Variants in NPHP4 observed in about 807,000 individuals in gnomAD.
NPHP4 encodes nephrocystin 4.
A neutral mutation model predicts 155.8 loss-of-function variants in NPHP4; 151 were observed. The observed-to-expected ratio is 0.97, with a 90% confidence interval of 0.85 to 1.11. The LOEUF is 1.11. Among genes scored for constraint, NPHP4 ranks in the 50% least tolerant of loss-of-function variants. The probability of loss-of-function intolerance (pLI) is 0.00; values close to 1 mark genes in which losing one functional copy is unlikely to be tolerated. For missense variants in NPHP4, 1,956 were observed against 1,925.7 expected, an observed-to-expected ratio of 1.02 and a Z score of -0.29; for synonymous variants, 845 against 816.8, an observed-to-expected ratio of 1.03 and a Z score of -0.59.
rs970641227 is a variant in NPHP4 at position 5,882,061 on chromosome 1, A to C, written c.2486-1822T>G. 1 of 152,300 alleles carries C rather than the reference A, an allele frequency of 6.6e-6. No individual in the cohort carries two copies. Among genetic ancestry groups the C allele is most frequent in the Non-Finnish European group, 1.5e-5 (1 of 68,088 alleles). 9.4% of individuals were successfully genotyped at this position (152,300 alleles called of 1,614,324 possible). A position where few individuals can be genotyped will look rare whatever the true frequency, so the allele number is the denominator to read the frequency against. Reference sequence around the variant, plus strand: ...CACCTGTGCTGAGAATTCGGCCCTCAAGGCCAGGTTCTGACGGCCACGCTC... The same window carrying C: ...CACCTGTGCTGAGAATTCGGCCCTCCAGGCCAGGTTCTGACGGCCACGCTC... On this transcript the variant is annotated intron_variant, in intron 18 of 29. Transcript: ENST00000378156. The surrounding 1 kb of genome is among the most constrained non-coding windows in gnomAD (Gnocchi z 5.1).
At chr1:5,928,773 C>T (rs1048375468) in intron 10 of NPHP4, among the ~76,000 whole-genome samples, 2 of 152,134 alleles carry the variant, frequency 1.3e-5, no homozygotes, top group Admixed American at 1.3e-4. Context: ...CTTTAGCTTT[C>T]CATATAAATT....
At chr1:5,913,221 C>T (rs515628) in intron 11 of NPHP4, among the ~76,000 whole-genome samples, 1,534 of 151,440 alleles carry the variant, frequency 0.01, 12 homozygotes, top group Middle Eastern at 0.028. Flanking sequence ...TCGTGGCCAG[C>T]GGGGCCCTGA....
chr1:5,972,333 C>G lies in NPHP4; in HGVS notation c.280-3074G>C, dbSNP rs1652720210. 2.1e-5 allele frequency among the ~76,000 whole-genome samples: 3 copies of G among 142,002 alleles called. No homozygotes were observed. In the South Asian group the frequency reaches 7.2e-4, roughly 34 times the overall value. 93.2% of individuals were successfully genotyped at this position (142,002 alleles called of 152,430 possible). A position where few individuals can be genotyped will look rare whatever the true frequency, so the allele number is the denominator to read the frequency against. ...TCGGAGGGCTTCCCAGACACTACCC[C>G]TCAAAGACAGCAGGGATCGGGGGAG... On this transcript the variant is annotated intron_variant, in intron 3 of 29. Coordinates refer to ENST00000378156, the MANE Select transcript of NPHP4 (RefSeq NM_015102.5).
At position 5,863,911 on chromosome 1, in the gene NPHP4, C is replaced by G; in HGVS notation, c.4119G>C (p.Arg1373=). The change falls in exon 29 of 30, where the codon CGG becomes CGC. Residue 1373 remains arginine (R), a synonymous_variant. Transcript: ENST00000378156. ...HLHSDHPELL[R]FREDSFQVGG... is the part of the protein sequence containing the mutation. ...ACACCTGGAAGGAGTCCTCTCTGAA[C>G]CGCAGCAGCTCCGGGTGGTCGCTGT... is the stretch of plus-strand genomic sequence containing the variant. The G allele has an allele frequency of 1.2e-6, 2 of 1,613,952 alleles. No homozygotes were observed. Among genetic ancestry groups the G allele is most frequent in the Non-Finnish European group, 1.7e-6 (2 of 1,179,878 alleles).
intron 16 of NPHP4, among the ~76,000 whole-genome samples, chr1:5,894,725 C>A (rs1462800347): frequency 6.6e-6 from 1 of 151,550 alleles, no homozygotes; most frequent in African/African-American, 2.4e-5. Context: ...TACCAAAAAT[C>A]AAGGAGAAAT....
rs1429633043 is a variant in NPHP4 at position 5,867,198 on chromosome 1, G to A, written c.3473-83C>T. Reference sequence around the variant, plus strand: ...AGGCCCCACACATTACACACTATAGGACAGGACAGGCTCGTCACAGGTGCT... The same window carrying A: ...AGGCCCCACACATTACACACTATAGAACAGGACAGGCTCGTCACAGGTGCT... On this transcript the variant is annotated intron_variant, in intron 24 of 29. Coordinates refer to ENST00000378156, the MANE Select transcript of NPHP4 (RefSeq NM_015102.5). This position sits in a 1 kb window ranked among gnomAD's most constrained non-coding sequence, Gnocchi z 4.1. 2.8e-6 allele frequency: 3 copies of A among 1,052,972 alleles called. No individual in the cohort carries two copies. Among genetic ancestry groups the A allele is most frequent in the South Asian group, 2.8e-5 (2 of 70,974 alleles). The allele number at this position is 1,052,972 out of a possible 1,614,324, so 65.2% of individuals were successfully genotyped here.
chr1:5,876,277 G>A (rs549589005), intron 20 of NPHP4: 3 of 152,296 alleles, frequency 2.0e-5, no homozygotes, highest in East Asian at 3.9e-4. Context: ...TGAGGCCTGG[G>A]AGGAGGCCCC....
chr1:5,956,041 C>T (rs1235051056), intron 6 of NPHP4, among the ~76,000 whole-genome samples: 1 of 116,474 alleles, frequency 8.6e-6, no homozygotes, highest in Non-Finnish European at 1.7e-5. Flanking sequence ...AACATTTTAA[C>T]AGAATGTTTC....
intron 7 of NPHP4, among the ~76,000 whole-genome samples, chr1:5,951,760 C>T (rs762872658): frequency 2.0e-5 from 3 of 152,234 alleles, no homozygotes; most frequent in Admixed American, 6.5e-5. Flanking sequence ...AAGGCTTTTC[C>T]AAGTCTTGTC....
intron 9 of NPHP4, among the ~76,000 whole-genome samples, chr1:5,941,833 A>G (rs560538530): frequency 6.6e-6 from 1 of 152,192 alleles, no homozygotes; most frequent in Non-Finnish European, 1.5e-5. Flanking sequence ...CAAGTCAACC[A>G]TCTACCCACC....
chr1:5,959,831 G>C (rs1649973233), intron 6 of NPHP4, among the ~76,000 whole-genome samples: 1 of 152,162 alleles, frequency 6.6e-6, no homozygotes, highest in Admixed American at 6.5e-5. Flanking sequence ...CTCACAGCTA[G>C]TCCCAAGATT....
chr1:5,973,098 T>C (rs930540891), intron 3 of NPHP4, among the ~76,000 whole-genome samples: 9 of 152,240 alleles, frequency 5.9e-5, no homozygotes, highest in Admixed American at 1.3e-4. Context: ...TTGGCCAGGC[T>C]GGTCTCAAAT....
In NPHP4 at chr1:5,874,538, G is replaced by A. The variant is rs1398568182; in HGVS notation, c.3164C>T (p.Pro1055Leu). The change falls in exon 22 of 30, where the codon CCC (proline) becomes CTC (leucine). Residue 1055 changes from proline to leucine, a missense_variant. Pro to Leu is a moderately conservative substitution (Grantham distance 98). Transcript: ENST00000378156. ...GSLAPQLYLR[P>L]HETAHVPFKF... The stretch of plus-strand genomic sequence containing the variant: ...GAAGGGGACGTGGGCGGTCTCGTGG[G>A]GGCGCAGGTAGAGCTGGGGGGCCAG... 24 of 1,598,354 alleles carry A rather than the reference G, an allele frequency of 1.5e-5. 1 individual carries two copies. Among genetic ancestry groups the A allele is most frequent in the Non-Finnish European group, 1.8e-5 (21 of 1,172,950 alleles).
At chr1:5,982,087 A>G (rs1654797639) in intron 2 of NPHP4, among the ~76,000 whole-genome samples, 1 of 151,250 alleles carries the variant, frequency 6.6e-6, no homozygotes, top group Non-Finnish European at 1.5e-5. Context: ...TTTCATTTTA[A>G]TACTGGTAGT....
intron 17 of NPHP4, chr1:5,888,732 T>G: frequency 1.5e-6 from 1 of 647,488 alleles, no homozygotes; most frequent in Non-Finnish European, 2.4e-6. Flanking sequence ...CACTGGCGAC[T>G]GGTTTAAAGG....
At chr1:5,928,926 C>A (rs561540469) in intron 10 of NPHP4, among the ~76,000 whole-genome samples, 1 of 152,260 alleles carries the variant, frequency 6.6e-6, no homozygotes, top group Admixed American at 6.5e-5. Context: ...TACGTCTCTC[C>A]AATTATTTAG....
rs544719727 is a variant in NPHP4, at chr1:5,951,061, A to G, written c.810+1639T>C. On this transcript the variant is annotated intron_variant, in intron 7 of 29. Coordinates refer to ENST00000378156, the MANE Select transcript of NPHP4 (RefSeq NM_015102.5). ...TTTAAAGATAGGTCAAAAGCAGGCA[A>G]GCCTATACTGTTTAGAGATGCATCG... is the stretch of plus-strand genomic sequence containing the variant. Among the ~76,000 whole-genome samples, 92 of 152,368 alleles carry G rather than the reference A, an allele frequency of 6.0e-4. No homozygotes were observed. The South Asian group carries it at 0.013, about 21-fold the overall frequency.
At chr1:5,885,716 G>C (rs1442701034) in intron 18 of NPHP4, among the ~76,000 whole-genome samples, 2 of 152,226 alleles carry the variant, frequency 1.3e-5, no homozygotes, top group Non-Finnish European at 2.9e-5. Flanking sequence ...TCTGTCCCGT[G>C]CGGTAACCCT....
chr1:5,928,033 T>C (rs1413685437), intron 10 of NPHP4, among the ~76,000 whole-genome samples: 1 of 152,122 alleles, frequency 6.6e-6, no homozygotes, highest in Non-Finnish European at 1.5e-5. Flanking sequence ...TCGCAATCTC[T>C]CTCGAGTTGT....
Sources: gnomAD v4.1 joint callset for allele counts (sites outside exome capture counted in the v4.1 genomes callset) on GRCh38, gnomAD v4.1.1 for gene constraint, Gnocchi (gnomAD v3.1) non-coding constraint, MANE v1.5 for transcripts, NCBI Gene and HGNC (gene_info 2026-07-23, HGNC 2026-07-21) for gene names.